NALF1: variants seen among roughly 807,000 people sequenced by gnomAD.
NALF1 encodes the protein family with sequence similarity 155 member A.
In NALF1, 3 loss-of-function variants were observed where a neutral mutation model predicts 48.4. That is an observed-to-expected ratio of 0.06 (90% confidence interval 0.03 to 0.16). The LOEUF is 0.16. Ranked by LOEUF, NALF1 falls within the 10% of genes least tolerant of loss-of-function variation. The pLI is 1.00. For missense variants in NALF1, 526 were observed against 571.5 expected (o/e 0.92, Z 0.81); for synonymous variants, 262 against 245.7 (o/e 1.07, Z -0.62).
intron 1 of NALF1, among the ~76,000 whole-genome samples, chr13:107,510,882 G>A (rs1875865728): frequency 6.6e-6 from 1 of 152,130 alleles, no homozygotes; most frequent in South Asian, 2.1e-4. Flanking sequence ...TACAGCTTTA[G>A]TTTCACTCGA....
chr13:107,172,671 GCTAGA>G (rs1327870018), intron 2 of NALF1, among the ~76,000 whole-genome samples: 2 of 152,130 alleles, frequency 1.3e-5, no homozygotes, highest in African/African-American at 2.4e-5. Context: ...ATATCTCACT[GCTAGA>G]CTAATCATTT....
chr13:107,319,235 G>T (rs116606534), intron 1 of NALF1, among the ~76,000 whole-genome samples: 270 of 152,232 alleles, frequency 1.8e-3, no homozygotes, highest in African/African-American at 5.8e-3. Context: ...GTGATAAAAT[G>T]ATGAGTCACA....
chr13:107,405,373 T>C (rs1223596001), intron 1 of NALF1, among the ~76,000 whole-genome samples: 1 of 152,072 alleles, frequency 6.6e-6, no homozygotes, highest in Non-Finnish European at 1.5e-5. Context: ...ACTATATCCA[T>C]TATTGGCTGG....
chr13:107,848,012 T>C (rs950492852), intron 1 of NALF1, among the ~76,000 whole-genome samples: 1 of 152,188 alleles, frequency 6.6e-6, no homozygotes, highest in Non-Finnish European at 1.5e-5. Context: ...AAATTATCTG[T>C]GAAAAATGGC....
At chr13:107,533,116 A>G (rs1461677711) in intron 1 of NALF1, among the ~76,000 whole-genome samples, 1 of 152,118 alleles carries the variant, frequency 6.6e-6, no homozygotes, top group Non-Finnish European at 1.5e-5. Context: ...TATCCCCACG[A>G]AAAGAGAGTT....
At chr13:107,606,053 T>TTA (rs1432147769) in intron 1 of NALF1, among the ~76,000 whole-genome samples, 1 of 152,144 alleles carries the variant, frequency 6.6e-6, no homozygotes, top group Non-Finnish European at 1.5e-5. Flanking sequence ...AAGTCTTCAT[T>TTA]TATATATACA....
rs779465104 is a variant in NALF1, at chr13:107,866,251, C to T, written c.346G>A (p.Ala116Thr). 1.9e-6 allele frequency: 3 copies of T among 1,591,128 alleles called. No homozygotes were observed. The highest frequency in any genetic ancestry group is 2.7e-5 in the African/African-American group (2 of 74,556). Reference protein sequence around the residue: ...LLASMGESSPAAQAHRLLSAS... With the variant: ...LLASMGESSPTAQAHRLLSAS... Reference sequence around the variant, plus strand: ...GAGAGGAGTCTGTGTGCCTGGGCGGCGGGCGAGGACTCCCCCATGCTCGCC... The same window carrying T: ...GAGAGGAGTCTGTGTGCCTGGGCGGTGGGCGAGGACTCCCCCATGCTCGCC... The change falls in exon 1 of 3, where the codon GCC becomes ACC. Residue 116 changes from alanine (A) to threonine (T), a missense_variant. Coordinates refer to ENST00000375915, the MANE Select transcript of NALF1 (RefSeq NM_001080396.3). The surrounding 1 kb of genome is among the most constrained non-coding windows in gnomAD (Gnocchi z 4.4).
At chr13:107,531,222 A>T (rs1230965547) in intron 1 of NALF1, 1 of 169,278 alleles carries the variant, frequency 5.9e-6, no homozygotes, top group Non-Finnish European at 1.5e-5. Context: ...GGAGGTGGGG[A>T]TTACACTTCA....
At chr13:107,615,509 C>G (rs545267400) in intron 1 of NALF1, among the ~76,000 whole-genome samples, 1 of 152,196 alleles carries the variant, frequency 6.6e-6, no homozygotes, top group Non-Finnish European at 1.5e-5. Flanking sequence ...CTGGTGGCAC[C>G]TATGGCCTAT....
In NALF1 at chr13:107,384,498, G is replaced by T. The variant is rs553912493; in HGVS notation, c.916-173743C>A. Among the ~76,000 whole-genome samples the T allele has an allele frequency of 1.0e-3, 152 of 151,754 alleles. 1 individual carries two copies. The highest frequency in any genetic ancestry group is 2.0e-3 in the Admixed American group (30 of 15,238). On this transcript the variant is annotated intron_variant, in intron 1 of 2. Coordinates refer to ENST00000375915, the MANE Select transcript of NALF1 (RefSeq NM_001080396.3). ...GGAGTGTGAAAATCTGTTTTTGGTG[G>T]TTTTTTTTATTTTTTTGCTTTTATA...
intron 1 of NALF1, among the ~76,000 whole-genome samples, chr13:107,678,923 G>T (rs1371164880): frequency 6.6e-6 from 1 of 152,178 alleles, no homozygotes; most frequent in Non-Finnish European, 1.5e-5. Flanking sequence ...GATTTAAGTG[G>T]AGACACAAAC....
intron 1 of NALF1, among the ~76,000 whole-genome samples, chr13:107,430,500 C>T (rs1884359526): frequency 6.6e-6 from 1 of 152,164 alleles, no homozygotes; most frequent in African/African-American, 2.4e-5. Context: ...CTTCCTGTGT[C>T]CATGTGTTCT....
At chr13:107,526,098 C>T (rs971428565) in intron 1 of NALF1, among the ~76,000 whole-genome samples, 11 of 152,056 alleles carry the variant, frequency 7.2e-5, no homozygotes, top group Admixed American at 2.6e-4. Flanking sequence ...TCCCCATCCC[C>T]CTAAGTTGAT....
intron 1 of NALF1, among the ~76,000 whole-genome samples, chr13:107,841,074 C>T (rs936917268): frequency 2.6e-5 from 4 of 152,116 alleles, no homozygotes; most frequent in Non-Finnish European, 5.9e-5. Context: ...CATGTATTCA[C>T]TCATTTACTC....
chr13:107,703,817 T>C (rs947308616), intron 1 of NALF1, among the ~76,000 whole-genome samples: 3 of 152,218 alleles, frequency 2.0e-5, no homozygotes, highest in Non-Finnish European at 2.9e-5. Context: ...TGAAACCCCC[T>C]GTTCCCTACA....
At position 107,396,787 on chromosome 13, in the gene NALF1, T is replaced by C. The variant is rs551588265; in HGVS notation, c.916-186032A>G. ...GCAGTAGAGATGGGGTTCTCAGCAG[T>C]CTATACTGCTCAACTCTCACATCAG... On this transcript the variant is annotated intron_variant, in intron 1 of 2. Transcript: ENST00000375915. 2.5e-3 allele frequency among the ~76,000 whole-genome samples: 374 copies of C among 152,312 alleles called. 3 individuals carry two copies. Among genetic ancestry groups the C allele is most frequent in the African/African-American group, 8.4e-3 (350 of 41,584 alleles).
intron 1 of NALF1, among the ~76,000 whole-genome samples, chr13:107,439,953 GA>G (rs1295982055): frequency 2.0e-5 from 3 of 151,822 alleles, no homozygotes; most frequent in Non-Finnish European, 4.4e-5. Context: ...CCATTTAAGA[GA>G]AAAAAAACCT....
At chr13:107,485,374 A>G (rs1286070436) in intron 1 of NALF1, among the ~76,000 whole-genome samples, 1 of 152,126 alleles carries the variant, frequency 6.6e-6, no homozygotes, top group East Asian at 1.9e-4. Flanking sequence ...GTTTCCCAGC[A>G]TTCTAAAGTT....
intron 1 of NALF1, among the ~76,000 whole-genome samples, chr13:107,439,077 TCA>T (rs1397347479): frequency 1.3e-5 from 2 of 152,040 alleles, no homozygotes. Flanking sequence ...TTTAAAGAAT[TCA>T]CAGATAGTTA....
Sources: gnomAD v4.1 joint callset for allele counts (sites outside exome capture counted in the v4.1 genomes callset) on GRCh38, gnomAD v4.1.1 for gene constraint, Gnocchi (gnomAD v3.1) non-coding constraint, MANE v1.5 for transcripts, NCBI Gene and HGNC (gene_info 2026-07-23, HGNC 2026-07-21) for gene names.